The following FGF14 variants were observed in gnomAD, a reference collection of about 807,000 sequenced individuals.
FGF14 encodes the protein fibroblast growth factor 14, also known as fibroblast growth factor homologous factor 4.
A neutral mutation model predicts 25.5 loss-of-function variants in FGF14; 5 were observed. The ratio of observed to expected loss-of-function variants is 0.20; its 90% CI spans 0.10 to 0.41. FGF14 has a LOEUF of 0.41. FGF14 is among the 10% of genes least tolerant of loss of function. The pLI, the probability that FGF14 is intolerant of heterozygous loss-of-function variation, is 1.00. For synonymous variants in FGF14, 138 were observed against 118.3 expected, an observed-to-expected ratio of 1.17 and a Z score of -1.08; for missense variants, 222 against 320.1, an observed-to-expected ratio of 0.69 and a Z score of 2.34.
intron 1 of FGF14, among the ~76,000 whole-genome samples, chr13:102,200,621 T>G (rs1395755444): frequency 1.2e-4 from 2 of 16,840 alleles, no homozygotes; most frequent in Non-Finnish European, 2.8e-4. Flanking sequence ...ATTTGATTGT[T>G]TTTTTTTTTT....
chr13:102,130,368 T>G (rs369091627), intron 1 of FGF14, among the ~76,000 whole-genome samples: 47 of 152,286 alleles, frequency 3.1e-4, no homozygotes, highest in African/African-American at 1.1e-3. Flanking sequence ...CTTTGGCTGG[T>G]GGCCCCTCCT....
At chr13:102,260,044 G>A (rs546227978) in intron 1 of FGF14, among the ~76,000 whole-genome samples, 2 of 152,274 alleles carry the variant, frequency 1.3e-5, no homozygotes, top group East Asian at 3.9e-4. Flanking sequence ...CACTAGCGAA[G>A]CCCTTGATCT....
At position 101,916,451 on chromosome 13, in the gene FGF14, A is replaced by G. The variant is rs1566430737; in HGVS notation, c.193+2T>C. On this transcript the variant is annotated splice_donor_variant, in intron 1 of 4. Coordinates refer to ENST00000376143, the MANE Select transcript of FGF14 (RefSeq NM_004115.4). LOFTEE classifies it high-confidence loss of function. ...CATCTCCCGACCATGACCCCCACAG[A>G]CCTTGGCGCCGCAACCTGCGCTTCT... 3 of 1,613,836 alleles carry G rather than the reference A, an allele frequency of 1.9e-6. No individual in the cohort carries two copies. Among genetic ancestry groups the G allele is most frequent in the Non-Finnish European group, 8.5e-7 (1 of 1,179,886 alleles).
At chr13:102,286,144 G>A (rs1284076891) in intron 1 of FGF14, among the ~76,000 whole-genome samples, 2 of 152,120 alleles carry the variant, frequency 1.3e-5, no homozygotes, top group Admixed American at 1.3e-4. Context: ...TTTTTATTTA[G>A]GGGCCAGCGT....
intron 1 of FGF14, among the ~76,000 whole-genome samples, chr13:102,284,352 C>A (rs2053990336): frequency 6.6e-6 from 1 of 152,098 alleles, no homozygotes; most frequent in African/African-American, 2.4e-5. Flanking sequence ...ACGGGAATGA[C>A]TTAGGGTTGC....
chr13:102,047,828 A>T (rs966099487), intron 1 of FGF14, among the ~76,000 whole-genome samples: 1 of 152,200 alleles, frequency 6.6e-6, no homozygotes, highest in African/African-American at 2.4e-5. Flanking sequence ...TTAAAGTATA[A>T]TAAAAAAAAT....
chr13:101,974,735 G>GA lies in FGF14; in HGVS notation c.209-99440dup, dbSNP rs200138938. On this transcript the variant is annotated intron_variant, in intron 1 of 4. Coordinates refer to the FGF14 transcript ENST00000376131. ...TTAAAAAACAATCTCACGGACAGTG[G>GA]AAAAAAAACTAGTGAACCACAGGTA... Among the ~76,000 whole-genome samples the GA allele has an allele frequency of 9.8e-3, 1,485 of 151,702 alleles. 10 individuals carry two copies. The highest frequency in any genetic ancestry group is 0.012 in the South Asian group (57 of 4,800).
chr13:102,156,212 G>T (rs372386657), intron 1 of FGF14, among the ~76,000 whole-genome samples: 7 of 152,076 alleles, frequency 4.6e-5, no homozygotes, highest in African/African-American at 1.7e-4. Flanking sequence ...ACAAAAAAAA[G>T]AGAATTTTAG....
chr13:102,390,279 G>A (rs897931689), intron 1 of FGF14, among the ~76,000 whole-genome samples: 6 of 152,176 alleles, frequency 3.9e-5, no homozygotes, highest in Non-Finnish European at 7.4e-5. Flanking sequence ...TTACAATGAT[G>A]CACACAACTG....
intron 1 of FGF14, among the ~76,000 whole-genome samples, chr13:101,949,315 G>A (rs1287075444): frequency 1.3e-5 from 2 of 152,104 alleles, no homozygotes; most frequent in African/African-American, 4.8e-5. Context: ...ACTGCCCAGT[G>A]TGGACTTCCA....
chr13:102,257,285 G>C (rs536365175), intron 1 of FGF14, among the ~76,000 whole-genome samples: 1 of 128,240 alleles, frequency 7.8e-6, no homozygotes, highest in Admixed American at 8.0e-5. Flanking sequence ...TTTGCTGATG[G>C]TTTTAATTTG....
At chr13:101,868,702 G>A (rs369630983) in intron 3 of FGF14, 23 bp downstream of exon 3, 51 of 1,393,400 alleles carry the variant, frequency 3.7e-5, no homozygotes, top group Non-Finnish European at 5.0e-5. Flanking sequence ...ACGAATGGCC[G>A]AGATCTTTGG....
upstream of FGF14, among the ~76,000 whole-genome samples, chr13:101,920,520 T>C (rs2033920932): frequency 6.6e-6 from 1 of 152,170 alleles, no homozygotes; most frequent in Non-Finnish European, 1.5e-5. Context: ...AATGTAAAGA[T>C]CCTAGTACCA....
chr13:102,068,080 G>A (rs1305157421), intron 1 of FGF14, among the ~76,000 whole-genome samples: 1 of 151,868 alleles, frequency 6.6e-6, no homozygotes, highest in Admixed American at 6.6e-5. Context: ...TGAACATGAA[G>A]GAAAAATAAA....
chr13:102,151,299 T>G (rs1384766008), intron 1 of FGF14, among the ~76,000 whole-genome samples: 1 of 152,176 alleles, frequency 6.6e-6, no homozygotes, highest in Non-Finnish European at 1.5e-5. Flanking sequence ...GATTATGTGA[T>G]GCTGGGGGTA....
At chr13:101,996,378 A>G (rs1396648175) in intron 1 of FGF14, among the ~76,000 whole-genome samples, 1 of 152,138 alleles carries the variant, frequency 6.6e-6, no homozygotes, top group Non-Finnish European at 1.5e-5. Flanking sequence ...TTTTGGAATC[A>G]GACTCCAGTG....
rs192706620 is a variant in FGF14 at position 102,104,154 on chromosome 13, A to G, written c.209-228858T>C. ...TGTTCTTTCCCCTAAACCAGCCATC[A>G]GCACCAGTACTGTCATTATACTCAC... On this transcript the variant is annotated intron_variant, in intron 1 of 4. Transcript: ENST00000376131. Among the ~76,000 whole-genome samples, 772 of 152,344 alleles carry G rather than the reference A, an allele frequency of 5.1e-3. 3 individuals are homozygous for G. Among genetic ancestry groups the G allele is most frequent in the Middle Eastern group, 0.031 (9 of 294 alleles).
At chr13:102,269,274 A>G (rs1187562178) in intron 1 of FGF14, among the ~76,000 whole-genome samples, 1 of 152,220 alleles carries the variant, frequency 6.6e-6, no homozygotes, top group Non-Finnish European at 1.5e-5. Context: ...ATAGACTACA[A>G]TTGTAAAACA....
chr13:102,299,855 G>A (rs2054935430), intron 1 of FGF14: 1 of 152,008 alleles, frequency 6.6e-6, no homozygotes, highest in Non-Finnish European at 1.5e-5. Flanking sequence ...ATCAACTTGG[G>A]TAACACAAAA....
Sources: allele counts gnomAD v4.1 joint callset (sites outside exome capture counted in the v4.1 genomes callset), GRCh38; gene constraint gnomAD v4.1.1; transcripts MANE v1.5; gene names NCBI Gene and HGNC (gene_info 2026-07-23, HGNC 2026-07-21).